The following IP6K3 variants were observed in gnomAD, a reference collection of about 807,000 sequenced individuals.
The protein encoded by IP6K3 is inositol hexakisphosphate kinase 3, also known as ATP:1D-myo-inositol-hexakisphosphate phosphotransferase.
IP6K3 carries 20 observed loss-of-function variants against 28.8 expected under a neutral mutation model. The observed-to-expected ratio is 0.70, with a 90% CI of 0.49 to 1.01. The LOEUF is 1.01. Among genes scored for constraint, IP6K3 ranks in the 50% least tolerant of loss-of-function variants. The pLI, the probability that IP6K3 is intolerant of heterozygous loss-of-function variation, is 0.00. For missense variants in IP6K3, 480 were observed against 537.1 expected (o/e 0.89, Z 1.05); for synonymous variants, 213 against 221.3 (o/e 0.96, Z 0.33).
rs1156542083 is a variant in IP6K3 at position 33,724,129 on chromosome 6, A to G, written c.766-942T>C. 5.9e-5 allele frequency among the ~76,000 whole-genome samples: 9 copies of G among 152,336 alleles called. No individual in the cohort carries two copies. In the East Asian group the frequency reaches 1.7e-3, roughly 29 times the overall value. ...GAAAACCAGTGTTGAAAAAAATCGG[A>G]AAGATATGATAGCCTTAGTGTTGCC... is the stretch of plus-strand genomic sequence containing the variant. On this transcript the variant is annotated intron_variant, in intron 5 of 5. Transcript: ENST00000293756.
At chr6:33,733,283 A>C (rs1019337581) in intron 2 of IP6K3, among the ~76,000 whole-genome samples, 1 of 152,244 alleles carries the variant, frequency 6.6e-6, no homozygotes, top group African/African-American at 2.4e-5. Flanking sequence ...CAGAGCCCCA[A>C]GGGGGCTGGC....
chr6:33,726,878 G>T lies in IP6K3; in HGVS notation c.442C>A (p.Pro148Thr). 6.2e-7 allele frequency: 1 copy of T among 1,610,430 alleles called. No individual in the cohort carries two copies. The highest frequency in any genetic ancestry group is 8.5e-7 in the Non-Finnish European group (1 of 1,177,182). The change falls in exon 4 of 6, where the codon CCC (proline) becomes ACC (threonine). Residue 148 changes from proline to threonine, a missense_variant. Physicochemically the swap from Pro to Thr is conservative, Grantham distance 38 (BLOSUM62 -1). Transcript: ENST00000293756. ...GAGAAGGCTGGAGTGTTGAGGTGGG[G>T]CTCGGACCTCAGAAGAGCCTTGGCC... The part of the protein sequence containing the change: ...SPAKALLRSE[P>T]HLNTPAFSLV...
At chr6:33,759,063 C>T in the IP6K3 span, among the ~76,000 whole-genome samples, 2 of 152,074 alleles carry the variant, frequency 1.3e-5, no homozygotes, top group African/African-American at 4.8e-5. Context: ...GGCAGTGGGC[C>T]CGTTAAATCC....
chr6:33,727,842 A>G (rs922298500), intron 3 of IP6K3: 1 of 985,334 alleles, frequency 1.0e-6, no homozygotes, highest in Non-Finnish European at 1.2e-6. Flanking sequence ...CCTACTCAGT[A>G]GACAACTCTG....
At chr6:33,729,857 G>A (rs868833293) in intron 2 of IP6K3, among the ~76,000 whole-genome samples, 1 of 151,966 alleles carries the variant, frequency 6.6e-6, no homozygotes, top group Non-Finnish European at 1.5e-5. Context: ...TGGATTACAG[G>A]TGCCCGCCAC....
At chr6:33,745,089 G>T (rs1292782285) in intron 1 of IP6K3, among the ~76,000 whole-genome samples, 1 of 152,248 alleles carries the variant, frequency 6.6e-6, no homozygotes, top group Non-Finnish European at 1.5e-5. Flanking sequence ...ACTGCAGCCC[G>T]CGGGCCAGCA....
Position 33,725,537 on chromosome 6 carries a change from G to C in IP6K3, c.669C>G (p.His223Gln). Residue 223 changes from histidine to glutamine, a missense_variant, in exon 5 of 6, where the codon CAC becomes CAG. His to Gln is a conservative substitution (Grantham distance 24). Transcript: ENST00000293756. ...VLDLKMGTRQ[H>Q]GDDASEEKKA... ...TCTTCTCCTCCGATGCATCATCGCC[G>C]TGCTGCCGGGTCCCCATCTTCAGAT... is the stretch of plus-strand genomic sequence containing the variant. 2 of 1,614,156 alleles carry C rather than the reference G, an allele frequency of 1.2e-6. No individual in the cohort carries two copies. The highest frequency in any genetic ancestry group is 1.7e-6 in the Non-Finnish European group (2 of 1,180,036).
chr6:33,750,641 C>T (rs4713675), upstream of IP6K3, among the ~76,000 whole-genome samples: 73,363 of 152,154 alleles, frequency 0.48, 20,053 homozygotes, highest in East Asian at 0.87. The surrounding 1 kb of genome is among the most constrained non-coding windows in gnomAD (Gnocchi z 4.3). Context: ...TGTAACCCAG[C>T]GCCAGCCTTC....
Position 33,742,207 on chromosome 6 carries a change from C to T in IP6K3, c.-180+4551G>A, listed in dbSNP as rs1010720589. ...TCAGGCACCAATGCTGGGACTCGGC[C>T]GTGATGAGTCTGTCTCACTCTGAAG... On this transcript the variant is annotated intron_variant, in intron 1 of 5. Coordinates refer to ENST00000293756, the MANE Select transcript of IP6K3 (RefSeq NM_054111.5). The surrounding 1 kb of genome is among the most constrained non-coding windows in gnomAD (Gnocchi z 4.5). Among the ~76,000 whole-genome samples the T allele has an allele frequency of 2.0e-5, 3 of 152,070 alleles. No individual in the cohort carries two copies. Among genetic ancestry groups the T allele is most frequent in the Admixed American group, 1.3e-4 (2 of 15,268 alleles).
In IP6K3 at chr6:33,741,044, G is replaced by T. The variant is rs560008791; in HGVS notation, c.-179-5389C>A. Among the ~76,000 whole-genome samples, 149 of 152,254 alleles carry T rather than the reference G, an allele frequency of 9.8e-4. 1 individual carries two copies. The highest frequency in any genetic ancestry group is 3.5e-3 in the African/African-American group (147 of 41,540). On this transcript the variant is annotated intron_variant, in intron 1 of 5. Transcript: ENST00000293756. ...AAGGTAAGCGTGGCTCACGTGATTTGCTTTTGCCAGCATCACGTGGGTGGG... is the reference window on the plus strand; with the variant it reads ...AAGGTAAGCGTGGCTCACGTGATTTTCTTTTGCCAGCATCACGTGGGTGGG...
chr6:33,732,476 G>A (rs192708443), intron 2 of IP6K3, among the ~76,000 whole-genome samples: 88 of 152,286 alleles, frequency 5.8e-4, no homozygotes, highest in Non-Finnish European at 7.6e-4. Context: ...GGCAAGTCAC[G>A]CCCCCTCCCT....
chr6:33,728,355 G>A lies in IP6K3; in HGVS notation c.200-55C>T. 7 of 1,501,368 alleles carry A rather than the reference G, an allele frequency of 4.7e-6. No homozygotes were observed. The Admixed American group carries it at 5.0e-5, about 11-fold the overall frequency. The allele number at this position is 1,501,368 out of a possible 1,614,324, so 93.0% of individuals were successfully genotyped here. A position where few individuals can be genotyped will look rare whatever the true frequency, so the allele number is the denominator to read the frequency against. ...GAGCCAGTTGAGAGAGCCTCCACAC[G>A]GACATGCAGGAGTGATGACGAGTTG... On this transcript the variant is annotated intron_variant, in intron 2 of 5. Transcript: ENST00000293756.
upstream of IP6K3, among the ~76,000 whole-genome samples, chr6:33,747,946 G>A (rs1766957931): frequency 6.6e-6 from 1 of 152,096 alleles, no homozygotes; most frequent in African/African-American, 2.4e-5. The surrounding 1 kb of genome is among the most constrained non-coding windows in gnomAD (Gnocchi z 5.2). Flanking sequence ...TCAGGCTGGT[G>A]GACCGGGAGA....
intron 2 of IP6K3, among the ~76,000 whole-genome samples, chr6:33,733,455 C>T (rs1050183991): frequency 2.6e-5 from 4 of 152,268 alleles, no homozygotes; most frequent in Non-Finnish European, 5.9e-5. Flanking sequence ...TCCTGAAGGC[C>T]AGGCCAGCCT....
chr6:33,742,655 T>C lies in IP6K3; in HGVS notation c.-180+4103A>G, dbSNP rs1464933098. Among the ~76,000 whole-genome samples the C allele has an allele frequency of 6.6e-6, 1 of 152,226 alleles. No individual in the cohort carries two copies. Among genetic ancestry groups the C allele is most frequent in the African/African-American group, 2.4e-5 (1 of 41,464 alleles). Reference sequence around the variant, plus strand: ...AAATGTATGTAAATATGTTGGTAATTAACAAAATACAAATTCATTTAAAGG... The same window carrying C: ...AAATGTATGTAAATATGTTGGTAATCAACAAAATACAAATTCATTTAAAGG... On this transcript the variant is annotated intron_variant, in intron 1 of 5. Transcript: ENST00000293756. The surrounding 1 kb of genome is among the most constrained non-coding windows in gnomAD (Gnocchi z 4.5).
At chr6:33,723,310 G>A in intron 5 of IP6K3, 123 bp from the exon 6 acceptor site, 2 of 642,570 alleles carry the variant, frequency 3.1e-6, no homozygotes, top group South Asian at 2.1e-5. Context: ...TGTAGGGCAA[G>A]AGTGACTGAA....
Position 33,726,861 on chromosome 6 carries a change from TG to T in IP6K3, c.458del (p.Pro153GlnfsTer31). On this transcript the variant is annotated frameshift_variant, in exon 4 of 6. Coordinates refer to ENST00000293756, the MANE Select transcript of IP6K3 (RefSeq NM_054111.5). LOFTEE classifies it high-confidence loss of function. ...LLRSEPHLNT[P>X]AFSLVEDTNG... Reference sequence around the variant, plus strand: ...TGGTGTCTTCCACCAGCGAGAAGGCTGGAGTGTTGAGGTGGGGCTCGGACCT... The same window carrying T: ...TGGTGTCTTCCACCAGCGAGAAGGCTGAGTGTTGAGGTGGGGCTCGGACCT... The T allele has an allele frequency of 6.2e-6, 10 of 1,613,010 alleles. No homozygotes were observed. Among genetic ancestry groups the T allele is most frequent in the Non-Finnish European group, 6.8e-6 (8 of 1,179,192 alleles).
At chr6:33,738,432 C>T (rs1039085567) in intron 1 of IP6K3, among the ~76,000 whole-genome samples, 2 of 152,222 alleles carry the variant, frequency 1.3e-5, no homozygotes, top group African/African-American at 2.4e-5. Flanking sequence ...TGGATGTCAC[C>T]GCGGCAAGGT....
chr6:33,734,872 G>A (rs1469985548), intron 2 of IP6K3, among the ~76,000 whole-genome samples: 7 of 152,182 alleles, frequency 4.6e-5, no homozygotes, highest in Non-Finnish European at 1.0e-4. Context: ...AGGCCTGAGG[G>A]TCCCGCCATC....
Sources: gnomAD v4.1 joint callset for allele counts (sites outside exome capture counted in the v4.1 genomes callset) on GRCh38, gnomAD v4.1.1 for gene constraint, Gnocchi (gnomAD v3.1) non-coding constraint, MANE v1.5 for transcripts, NCBI Gene and HGNC (gene_info 2026-07-23, HGNC 2026-07-21) for gene names.